The following PLOD1 variants were observed in gnomAD, a reference collection of about 807,000 sequenced individuals.
The protein encoded by PLOD1 is lysine hydroxylase.
PLOD1 carries 70 observed loss-of-function variants against 94.7 expected under a neutral mutation model. The ratio of observed to expected loss-of-function variants is 0.74; its 90% confidence interval spans 0.61 to 0.90. The LOEUF is 0.90. Ranked by LOEUF, PLOD1 falls within the 40% of genes least tolerant of loss-of-function variation. The pLI, the probability that PLOD1 is intolerant of heterozygous loss-of-function variation, is 0.00. For missense variants in PLOD1, 905 were observed against 972.7 expected, an observed-to-expected ratio of 0.93 and a Z score of 0.93; for synonymous variants, 417 against 400.2, an observed-to-expected ratio of 1.04 and a Z score of -0.50.
intron 4 of PLOD1, 130 bp from the exon 5 acceptor site, chr1:11,952,493 C>T (rs1645709882): frequency 2.7e-6 from 2 of 727,470 alleles, no homozygotes; most frequent in Non-Finnish European, 5.0e-6. Context: ...TTCAGGAGGA[C>T]TTCTGAGAGG....
chr1:11,956,785 G>C (rs1304753108), intron 6 of PLOD1, 132 bp from the exon 7 acceptor site: 4 of 744,518 alleles, frequency 5.4e-6, no homozygotes, highest in Non-Finnish European at 2.5e-6. Context: ...GGAAACTGAG[G>C]CTTAGAGAGA....
In PLOD1 at chr1:11,972,822, G is replaced by A; in HGVS notation, c.1903-50G>A. ...TGTGCACCCTCCTCTCCTGGCCTTT[G>A]TGTCCTCCTTAACTAACACGGGCTC... is the stretch of plus-strand genomic sequence containing the variant. On this transcript the variant is annotated intron_variant, in intron 17 of 18. Transcript: ENST00000196061. This position sits in a 1 kb window ranked among gnomAD's most constrained non-coding sequence, Gnocchi z 4.6. 1 of 1,612,064 alleles carries A rather than the reference G, an allele frequency of 6.2e-7. No homozygotes were observed. The highest frequency in any genetic ancestry group is 8.5e-7 in the Non-Finnish European group (1 of 1,178,452).
chr1:11,975,419 T>C lies in PLOD1; in HGVS notation c.*611T>C. On this transcript the variant is annotated 3_prime_UTR_variant, in exon 19 of 19. Transcript: ENST00000196061. ...TGCACAGCTCGATCTTCTACTTGCC[T>C]GTGGGGAGGGGAGTGACAGGTCCAC... is the stretch of plus-strand genomic sequence containing the variant. 5.9e-6 allele frequency: 1 copy of C among 169,934 alleles called. No homozygotes were observed. Among genetic ancestry groups the C allele is most frequent in the Admixed American group, 5.4e-5 (1 of 18,444 alleles). 10.5% of individuals were successfully genotyped at this position (169,934 alleles called of 1,614,324 possible).
rs114271517 is a variant in PLOD1, at chr1:11,974,140, G to A, written c.2029-513G>A. ...TGGTCACAGTTAGTAAAGAGTGGAG[G>A]TGATGTCTGCCCAGGGCTGCCTGAC... is the stretch of plus-strand genomic sequence containing the variant. On this transcript the variant is annotated intron_variant, in intron 18 of 18. Coordinates refer to ENST00000196061, the MANE Select transcript of PLOD1 (RefSeq NM_000302.4). 1.7e-3 allele frequency among the ~76,000 whole-genome samples: 256 copies of A among 151,912 alleles called. 1 individual carries two copies. Among genetic ancestry groups the A allele is most frequent in the African/African-American group, 5.8e-3 (242 of 41,424 alleles).
chr1:11,948,953 G>A (rs1172141799), intron 2 of PLOD1, among the ~76,000 whole-genome samples: 1 of 152,106 alleles, frequency 6.6e-6, no homozygotes, highest in African/African-American at 2.4e-5. Context: ...CAATCTAGTG[G>A]CATTAAGTCA....
Position 11,972,305 on chromosome 1 carries a change from G to A in PLOD1, c.1903-567G>A, listed in dbSNP as rs12094848. ...TCGCACTTGTCACCCAGGCTGGAGT[G>A]CAGTGGCGCAATCTTGGCTCACTAC... On this transcript the variant is annotated intron_variant, in intron 17 of 18. Transcript: ENST00000196061. The surrounding 1 kb of genome is among the most constrained non-coding windows in gnomAD (Gnocchi z 4.6). The A allele has an allele frequency of 0.01, 1,585 of 152,496 alleles. 24 individuals are homozygous for A. Among genetic ancestry groups the A allele is most frequent in the African/African-American group, 0.024 (976 of 41,294 alleles). The allele number at this position is 152,496 out of a possible 1,614,324, so 9.4% of individuals were successfully genotyped here. A position where few individuals can be genotyped will look rare whatever the true frequency, so the allele number is the denominator to read the frequency against.
At position 11,974,956 on chromosome 1, in the gene PLOD1, C is replaced by G. The variant is rs886045211; in HGVS notation, c.*148C>G. 2 of 808,858 alleles carry G rather than the reference C, an allele frequency of 2.5e-6. No individual in the cohort carries two copies. Among genetic ancestry groups the G allele is most frequent in the African/African-American group, 1.7e-5 (1 of 58,864 alleles). The allele number at this position is 808,858 out of a possible 1,614,324, so 50.1% of individuals were successfully genotyped here. On this transcript the variant is annotated 3_prime_UTR_variant, in exon 19 of 19. Transcript: ENST00000196061. Reference sequence around the variant, plus strand: ...CTTGGAGCCACCAATCAAAGAGATTCAAAGAGATTCCTGCAGGCCAGAGGC... The same window carrying G: ...CTTGGAGCCACCAATCAAAGAGATTGAAAGAGATTCCTGCAGGCCAGAGGC...
chr1:11,971,154 G>C lies in PLOD1; in HGVS notation c.1902+338G>C, dbSNP rs541594296. Among the ~76,000 whole-genome samples, 422 of 102,180 alleles carry C rather than the reference G, an allele frequency of 4.1e-3. 4 individuals carry two copies. Among genetic ancestry groups the C allele is most frequent in the African/African-American group, 0.016 (393 of 25,150 alleles). 67.0% of individuals were successfully genotyped at this position (102,180 alleles called of 152,430 possible). A position where few individuals can be genotyped will look rare whatever the true frequency, so the allele number is the denominator to read the frequency against. ...GGTGAGGGAGTGGAGAGACTGGAAG[G>C]GGCAGGAGTTGGTGGGGAGGTCGAG... On this transcript the variant is annotated intron_variant, in intron 17 of 18. Coordinates refer to ENST00000196061, the MANE Select transcript of PLOD1 (RefSeq NM_000302.4).
intron 1 of PLOD1, among the ~76,000 whole-genome samples, chr1:11,943,104 A>G (rs1645626030): frequency 6.6e-6 from 1 of 151,860 alleles, no homozygotes; most frequent in Non-Finnish European, 1.5e-5. Flanking sequence ...CTCTGCCTCC[A>G]CCTCCCGAGT....
intron 1 of PLOD1, among the ~76,000 whole-genome samples, chr1:11,941,676 GT>G (rs1290321856): frequency 6.6e-6 from 1 of 152,054 alleles, no homozygotes; most frequent in East Asian, 1.9e-4. Flanking sequence ...TAGAGACGGG[GT>G]TTCATCACAT....
rs1185081145 is a variant in PLOD1 at position 11,952,680 on chromosome 1, A to G, written c.524A>G (p.Asp175Gly). ...SKLVAEWEGQ[D>G]SDSDQLFYTK... ...CTGGTGGCCGAGTGGGAGGGCCAGG[A>G]CAGCGACAGCGATCAGCTGTTTTAC... is the stretch of plus-strand genomic sequence containing the variant. The change falls in exon 5 of 19, where the codon GAC becomes GGC. Residue 175 changes from aspartate (D) to glycine (G), a missense_variant. Transcript: ENST00000196061. The G allele has an allele frequency of 1.9e-6, 3 of 1,614,082 alleles. No homozygotes were observed. The Admixed American group carries it at 5.0e-5, about 27-fold the overall frequency.
chr1:11,956,825 A>C, intron 6 of PLOD1, 92 bp from the exon 7 acceptor site: 1 of 813,590 alleles, frequency 1.2e-6, no homozygotes, highest in Non-Finnish European at 2.2e-6. Context: ...TAATCTACTC[A>C]CTGCACAGCT....
Position 11,972,226 on chromosome 1 carries a change from CTCT to C in PLOD1, c.1903-644_1903-642del, listed in dbSNP as rs1412552025. 6.7e-6 allele frequency: 1 copy of C among 150,360 alleles called. No homozygotes were observed. The allele number at this position is 150,360 out of a possible 1,614,324, so 9.3% of individuals were successfully genotyped here. On this transcript the variant is annotated intron_variant, in intron 17 of 18. Coordinates refer to ENST00000196061, the MANE Select transcript of PLOD1 (RefSeq NM_000302.4). The surrounding 1 kb of genome is among the most constrained non-coding windows in gnomAD (Gnocchi z 4.6). Reference sequence around the variant, plus strand: ...CCTTCCTTCCTCTCTCTCTCTCTCTCTCTTTCTTTCTCTCTCTCTTTCTCTTTC... The same window carrying C: ...CCTTCCTTCCTCTCTCTCTCTCTCTCTTCTTTCTCTCTCTCTTTCTCTTTC...
rs935638420 is a variant in PLOD1, at chr1:11,958,700, G to C, written c.975+53G>C. ...TCATGTGGCTTAGATCCAGGGCCCA[G>C]CTTCACAAGGTAGCCCGAGACCTCT... On this transcript the variant is annotated intron_variant, in intron 9 of 18. Transcript: ENST00000196061. The surrounding 1 kb of genome is among the most constrained non-coding windows in gnomAD (Gnocchi z 4.3). The C allele has an allele frequency of 7.6e-5, 123 of 1,609,542 alleles. No individual in the cohort carries two copies. The highest frequency in any genetic ancestry group is 3.1e-5 in the Non-Finnish European group (37 of 1,177,384).
chr1:11,940,421 G>A (rs781110690), intron 1 of PLOD1, among the ~76,000 whole-genome samples: 12 of 152,112 alleles, frequency 7.9e-5, no homozygotes, highest in African/African-American at 9.7e-5. Flanking sequence ...GCACCCTGTC[G>A]CCAGAACCCC....
At position 11,970,816 on chromosome 1, in the gene PLOD1, G is replaced by A. The variant is rs1553137207; in HGVS notation, c.1902G>A (p.Arg634=). ...TEKLYPGYYT[R]AQFDLAFVVR... Reference sequence around the variant, plus strand: ...AGCTCTACCCCGGCTACTACACCAGGGTGGGCAAGCCTGGGGCATAGCCAG... The same window carrying A: ...AGCTCTACCCCGGCTACTACACCAGAGTGGGCAAGCCTGGGGCATAGCCAG... The change falls in exon 17 of 19, where the codon AGG becomes AGA. Residue 634 remains arginine, a splice_region_variant and synonymous_variant. Transcript: ENST00000196061. The A allele has an allele frequency of 1.2e-6, 2 of 1,607,516 alleles. No individual in the cohort carries two copies. The highest frequency in any genetic ancestry group is 1.7e-6 in the Non-Finnish European group (2 of 1,178,872).
intron 5 of PLOD1, 109 bp from the exon 6 acceptor site, chr1:11,954,720 TG>T: frequency 3.5e-6 from 3 of 866,758 alleles, no homozygotes; most frequent in Non-Finnish European, 6.0e-6. Flanking sequence ...AGAGTCGGTG[TG>T]GGGAATGAGG....
At chr1:11,938,252 G>A (rs2100732642) in intron 1 of PLOD1, among the ~76,000 whole-genome samples, 1 of 152,092 alleles carries the variant, frequency 6.6e-6, no homozygotes, top group East Asian at 1.9e-4. Context: ...CGCCCGGCCA[G>A]GATCCCTTTG....
chr1:11,953,139 T>A lies in PLOD1; in HGVS notation c.579+404T>A, dbSNP rs201972696. 7.9e-3 allele frequency among the ~76,000 whole-genome samples: 1,206 copies of A among 152,176 alleles called. 124 individuals carry two copies. In the East Asian group the frequency reaches 0.22, roughly 28 times the overall value. Reference sequence around the variant, plus strand: ...GGTGCGATCTCGGCTCACTACAGCCTCTACCTCCCTGGTTCAAGCGATTCT... The same window carrying A: ...GGTGCGATCTCGGCTCACTACAGCCACTACCTCCCTGGTTCAAGCGATTCT... On this transcript the variant is annotated intron_variant, in intron 5 of 18. Coordinates refer to ENST00000196061, the MANE Select transcript of PLOD1 (RefSeq NM_000302.4).
Sources: allele counts gnomAD v4.1 joint callset (sites outside exome capture counted in the v4.1 genomes callset), GRCh38; gene constraint gnomAD v4.1.1; non-coding constraint Gnocchi (gnomAD v3.1); transcripts MANE v1.5; gene names NCBI Gene and HGNC (gene_info 2026-07-23, HGNC 2026-07-21).